ANKRD29: variants seen among roughly 807,000 people sequenced by gnomAD.
The protein encoded by ANKRD29 is ankyrin repeat domain 29, also known as ankyrin repeat domain-containing protein 29.
ANKRD29 carries 32 observed loss-of-function variants against 38.0 expected under a neutral mutation model. The ratio of observed to expected loss-of-function variants is 0.84; its 90% CI spans 0.64 to 1.13. The LOEUF is 1.13. Among genes scored for constraint, ANKRD29 ranks in the 50% most tolerant of loss-of-function variants. The probability of loss-of-function intolerance (pLI) is 0.00; values close to 1 mark genes in which losing one functional copy is unlikely to be tolerated. For synonymous variants in ANKRD29, 135 were observed against 152.4 expected (o/e 0.89, Z 0.84); for missense variants, 357 against 377.9 (o/e 0.94, Z 0.46).
chr18:23,601,002 A>G lies in ANKRD29; in HGVS notation c.*224T>C. On this transcript the variant is annotated 3_prime_UTR_variant, in exon 10 of 10. Coordinates refer to ENST00000592179, the MANE Select transcript of ANKRD29 (RefSeq NM_173505.4). ...CCAGGCCCCCCGGGAGATGAGTTAC[A>G]GGACACCATGAGAAGTCCATGGTGA... The G allele has an allele frequency of 2.3e-6, 1 of 436,628 alleles. No homozygotes were observed. The highest frequency in any genetic ancestry group is 4.1e-6 in the Non-Finnish European group (1 of 242,484). 27.0% of individuals were successfully genotyped at this position (436,628 alleles called of 1,614,324 possible). A position where few individuals can be genotyped will look rare whatever the true frequency, so the allele number is the denominator to read the frequency against.
intron 7 of ANKRD29, chr18:23,618,836 G>A (rs2059756503): frequency 7.3e-6 from 1 of 136,500 alleles, no homozygotes; most frequent in African/African-American, 2.6e-5. Flanking sequence ...GGGGGTGGGG[G>A]TCTTTTCTGG....
intron 6 of ANKRD29, among the ~76,000 whole-genome samples, chr18:23,623,426 G>A (rs1220247148): frequency 6.6e-6 from 1 of 151,988 alleles, no homozygotes; most frequent in African/African-American, 2.4e-5. Context: ...TTCCTCTTTT[G>A]TACACCTTAA....
At chr18:23,619,924 A>G (rs1022287087) in intron 6 of ANKRD29, 7 of 388,418 alleles carry the variant, frequency 1.8e-5, no homozygotes, top group Non-Finnish European at 3.3e-5. Flanking sequence ...TTTACCAAAA[A>G]GGGTGGTACA....
At chr18:23,622,355 T>A (rs891158932) in intron 6 of ANKRD29, among the ~76,000 whole-genome samples, 1 of 152,040 alleles carries the variant, frequency 6.6e-6, no homozygotes, top group Non-Finnish European at 1.5e-5. Flanking sequence ...CTGGTGCCAA[T>A]ACTAATGCGC....
chr18:23,615,956 T>C (rs995289314), intron 8 of ANKRD29, among the ~76,000 whole-genome samples: 3 of 135,522 alleles, frequency 2.2e-5, no homozygotes, highest in Non-Finnish European at 4.9e-5. Flanking sequence ...ATATACATAC[T>C]ATATGTATGT....
Position 23,651,428 on chromosome 18 carries a change from T to C in ANKRD29, c.22-2235A>G, listed in dbSNP as rs182443143. Among the ~76,000 whole-genome samples, 355 of 152,274 alleles carry C rather than the reference T, an allele frequency of 2.3e-3. 3 individuals are homozygous for C. The highest frequency in any genetic ancestry group is 8.2e-3 in the African/African-American group (342 of 41,558). ...AGCTGTCAGTAACTAGGCAAAGAAA[T>C]GGCAAGGGAGGTTTGACCTGTATAA... On this transcript the variant is annotated intron_variant, in intron 1 of 9. Coordinates refer to ENST00000592179, the MANE Select transcript of ANKRD29 (RefSeq NM_173505.4).
intron 1 of ANKRD29, among the ~76,000 whole-genome samples, chr18:23,655,523 C>T (rs540425020): frequency 2.0e-5 from 3 of 152,032 alleles, no homozygotes; most frequent in African/African-American, 7.2e-5. Context: ...CGACTCACTG[C>T]AAGCTCTGCC....
In ANKRD29 at chr18:23,619,605, C is replaced by G. The variant is rs763706312; in HGVS notation, c.553G>C (p.Ala185Pro). 6.9e-6 allele frequency: 11 copies of G among 1,595,302 alleles called. 1 individual carries two copies. Among genetic ancestry groups the G allele is most frequent in the South Asian group, 6.6e-5 (6 of 90,510 alleles). ...ACCTCGCTGTGGCCCATCTGGGACG[C>G]GATCCACAGGGGCGCTGTCCCGTCC... ...RQDGTAPLWI[A>P]SQMGHSEVVR... Residue 185 changes from alanine to proline, a missense_variant, in exon 7 of 10, where the codon GCG (alanine) becomes CCG (proline). By Grantham distance (27) the Ala-to-Pro change is conservative. Coordinates refer to ENST00000592179, the MANE Select transcript of ANKRD29 (RefSeq NM_173505.4).
chr18:23,618,126 A>G (rs1344076473), intron 7 of ANKRD29, among the ~76,000 whole-genome samples: 3 of 152,204 alleles, frequency 2.0e-5, no homozygotes, highest in African/African-American at 7.2e-5. Flanking sequence ...TCAAGAGCAT[A>G]TTTTTAGGCC....
At chr18:23,627,947 C>T (rs2059882766) in intron 6 of ANKRD29, among the ~76,000 whole-genome samples, 2 of 152,302 alleles carry the variant, frequency 1.3e-5, no homozygotes, top group South Asian at 4.2e-4. Context: ...GAAACTGCTT[C>T]CTTTCCCAGG....
At chr18:23,633,973 C>T (rs913889419) in intron 5 of ANKRD29, 78 bp downstream of exon 5, 2 of 1,421,142 alleles carry the variant, frequency 1.4e-6, no homozygotes, top group African/African-American at 1.4e-5. Flanking sequence ...TTGAAGTTGG[C>T]ATTTCTGGCA....
At chr18:23,609,878 A>C (rs2059619055) in intron 9 of ANKRD29, among the ~76,000 whole-genome samples, 1 of 152,224 alleles carries the variant, frequency 6.6e-6, no homozygotes, top group Non-Finnish European at 1.5e-5. Context: ...AACAAATCCA[A>C]GTATCTAAGG....
chr18:23,646,342 G>T, intron 2 of ANKRD29, 55 bp from the exon 3 acceptor site: 1 of 1,506,602 alleles, frequency 6.6e-7, no homozygotes, highest in Non-Finnish European at 9.2e-7. Flanking sequence ...CAGAGAGAAG[G>T]GTCCTAGAGA....
chr18:23,611,828 A>G (rs2059645951), intron 9 of ANKRD29, among the ~76,000 whole-genome samples: 1 of 152,014 alleles, frequency 6.6e-6, no homozygotes, highest in Admixed American at 6.6e-5. Flanking sequence ...CGCTGCAAAA[A>G]TCTATTGAAA....
intron 9 of ANKRD29, among the ~76,000 whole-genome samples, chr18:23,607,027 C>A (rs1013914881): frequency 3.9e-5 from 6 of 152,160 alleles, no homozygotes; most frequent in African/African-American, 7.2e-5. Context: ...GAAACTTGAT[C>A]CTAGGTGAAA....
chr18:23,637,994 CTT>C (rs3083465), intron 4 of ANKRD29, among the ~76,000 whole-genome samples: 4 of 98,058 alleles, frequency 4.1e-5, no homozygotes, highest in Admixed American at 1.4e-4. Context: ...TCAATTACTT[CTT>C]TTTTTTTTTT....
chr18:23,659,760 A>C (rs1217100303), intron 1 of ANKRD29, among the ~76,000 whole-genome samples: 15 of 151,348 alleles, frequency 9.9e-5, no homozygotes, highest in Admixed American at 4.0e-4. Flanking sequence ...CAAAAAAAAA[A>C]ACAAAAAACA....
chr18:23,619,309 C>T, intron 7 of ANKRD29: 4 of 530,560 alleles, frequency 7.5e-6, no homozygotes, highest in Non-Finnish European at 9.8e-6. Flanking sequence ...GCCCTCAGGC[C>T]TAAGGCTAAG....
In ANKRD29 at chr18:23,662,856, C is replaced by G. The variant is rs2145750419; in HGVS notation, c.-126G>C. 25 of 891,634 alleles carry G rather than the reference C, an allele frequency of 2.8e-5. No homozygotes were observed. Among genetic ancestry groups the G allele is most frequent in the East Asian group, 6.2e-5 (1 of 16,012 alleles). The allele number at this position is 891,634 out of a possible 1,614,324, so 55.2% of individuals were successfully genotyped here. A position where few individuals can be genotyped will look rare whatever the true frequency, so the allele number is the denominator to read the frequency against. ...GGCGGCCTCCGACGCCGCGCGCTCC[C>G]GCCGCCCGGCCCGGCAGCAGCCGCC... On this transcript the variant is annotated 5_prime_UTR_variant, in exon 1 of 10. Coordinates refer to ENST00000592179, the MANE Select transcript of ANKRD29 (RefSeq NM_173505.4).
Sources: allele counts gnomAD v4.1 joint callset (sites outside exome capture counted in the v4.1 genomes callset), GRCh38; gene constraint gnomAD v4.1.1; transcripts MANE v1.5; gene names NCBI Gene and HGNC (gene_info 2026-07-23, HGNC 2026-07-21).